PI4K2A: variants seen among roughly 807,000 people sequenced by gnomAD.
PI4K2A encodes phosphatidylinositol 4-kinase type 2 alpha.
Under a neutral mutation model 55.0 loss-of-function variants are expected in PI4K2A, and 20 were observed. The observed-to-expected ratio is 0.36, with a 90% confidence interval of 0.26 to 0.53. The LOEUF (loss-of-function observed/expected upper bound fraction) is 0.53. Among genes scored for constraint, PI4K2A ranks in the 20% least tolerant of loss-of-function variants. The pLI, the probability that PI4K2A is intolerant of heterozygous loss-of-function variation, is 0.91. For synonymous variants in PI4K2A, 235 were observed against 258.5 expected, an observed-to-expected ratio of 0.91 and a Z score of 0.87; for missense variants, 463 against 637.1, an observed-to-expected ratio of 0.73 and a Z score of 2.94.
chr10:97,665,079 T>G, intron 6 of PI4K2A, 95 bp downstream of exon 6: 2 of 729,904 alleles, frequency 2.7e-6, no homozygotes, highest in Non-Finnish European at 4.6e-6. Context: ...CATAGGATTA[T>G]TCTAAAAATT....
Position 97,663,986 on chromosome 10 carries a change from T to C in PI4K2A, c.985-899T>C, listed in dbSNP as rs1203127130. On this transcript the variant is annotated intron_variant, in intron 5 of 8. Transcript: ENST00000370631. ...CTGGGACTACAGGCGCAAAAGTTGT[T>C]TAATGTTTTGTAGAGATGAGGTCTT... Among the ~76,000 whole-genome samples, 6 of 152,236 alleles carry C rather than the reference T, an allele frequency of 3.9e-5. No homozygotes were observed. The South Asian group carries it at 8.3e-4, about 21-fold the overall frequency.
chr10:97,655,963 C>T (rs186214277), intron 2 of PI4K2A, among the ~76,000 whole-genome samples: 29 of 152,254 alleles, frequency 1.9e-4, no homozygotes, highest in East Asian at 9.7e-4. Context: ...ACAAGGTATC[C>T]GAGGTTCTTC....
intron 1 of PI4K2A, among the ~76,000 whole-genome samples, chr10:97,642,806 T>TCTTCCTTCCTTCCTTCCTTC (rs1183100302): frequency 9.5e-6 from 1 of 105,394 alleles, no homozygotes; most frequent in East Asian, 2.8e-4. Flanking sequence ...GCTTTCTCTT[T>TCTTCCTTCCTTCCTTCCTTC]CTTCCTTCCT....
chr10:97,660,808 G>T (rs1465233716), intron 4 of PI4K2A, among the ~76,000 whole-genome samples: 4 of 151,522 alleles, frequency 2.6e-5, no homozygotes, highest in African/African-American at 4.9e-5. Context: ...TTTTTAGCTG[G>T]TTAGTAGGAA....
rs566668127 is a variant in PI4K2A, at chr10:97,660,163, G to A, written c.923-2744G>A. ...ACTACAGGCGCCTGCTACCACGCCC[G>A]GCTAATTTTTTGTATTTTTAGTAGA... On this transcript the variant is annotated intron_variant, in intron 4 of 8. Transcript: ENST00000370631. Among the ~76,000 whole-genome samples the A allele has an allele frequency of 2.4e-3, 355 of 150,808 alleles. 4 individuals are homozygous for A. The highest frequency in any genetic ancestry group is 8.1e-3 in the African/African-American group (333 of 41,064).
At chr10:97,676,334 G>C (rs1051093730) in exon 9 of PI4K2A, 1 of 152,196 alleles carries the variant, frequency 6.6e-6, no homozygotes, top group African/African-American at 2.4e-5. Context: ...CTTTGTTGCA[G>C]AAATGTCAAT....
At chr10:97,666,604 A>G (rs767944896) in intron 7 of PI4K2A, 33 bp downstream of exon 7, 2 of 1,559,734 alleles carry the variant, frequency 1.3e-6, no homozygotes, top group East Asian at 4.5e-5. Flanking sequence ...CTATTATCAT[A>G]TGGGAGAAGG....
chr10:97,642,990 C>G (rs990263517), intron 1 of PI4K2A, among the ~76,000 whole-genome samples: 2 of 146,884 alleles, frequency 1.4e-5, no homozygotes, highest in African/African-American at 5.1e-5. Context: ...TTCTCTCTTT[C>G]TCGTCTTTCT....
intron 4 of PI4K2A, 58 bp downstream of exon 4, chr10:97,657,032 G>T: frequency 6.3e-7 from 1 of 1,576,056 alleles, no homozygotes; most frequent in Non-Finnish European, 8.7e-7. Context: ...GCATGGGGAG[G>T]CCTGGAGGCT....
chr10:97,640,679 T>G, upstream of PI4K2A: 2 of 1,208,042 alleles, frequency 1.7e-6, no homozygotes, highest in Non-Finnish European at 2.2e-6. Flanking sequence ...ATGTCACGGA[T>G]TGGTCGCGGC....
At chr10:97,653,577 C>T (rs1417468474) in intron 2 of PI4K2A, among the ~76,000 whole-genome samples, 3 of 152,216 alleles carry the variant, frequency 2.0e-5, no homozygotes, top group African/African-American at 7.2e-5. Context: ...AGAGAACCTT[C>T]ACGAGGCCTG....
Position 97,643,111 on chromosome 10 carries a change from C to T in PI4K2A, c.435+1934C>T, listed in dbSNP as rs140754083. ...GCTCAAGGTCCTCCCACTCAGCTTC[C>T]GAGTAGCTGGGACTACAGGCACGCA... On this transcript the variant is annotated intron_variant, in intron 1 of 8. Coordinates refer to ENST00000370631, the Ensembl canonical transcript of PI4K2A. Among the ~76,000 whole-genome samples the T allele has an allele frequency of 6.3e-3, 948 of 151,344 alleles. 12 individuals are homozygous for T. The highest frequency in any genetic ancestry group is 0.018 in the African/African-American group (731 of 41,118).
chr10:97,675,150 C>A (rs746670053), exon 9 of PI4K2A: 1 of 152,576 alleles, frequency 6.6e-6, no homozygotes, highest in Non-Finnish European at 1.5e-5. Flanking sequence ...TGGCACCTTG[C>A]GATTGGTCAG....
chr10:97,650,179 A>G (rs1285907287), intron 1 of PI4K2A, among the ~76,000 whole-genome samples: 1 of 151,560 alleles, frequency 6.6e-6, no homozygotes, highest in Non-Finnish European at 1.5e-5. Flanking sequence ...CGATATGTGC[A>G]TTAGGATATT....
At chr10:97,651,212 G>A in intron 2 of PI4K2A, 71 bp downstream of exon 2, 3 of 1,207,248 alleles carry the variant, frequency 2.5e-6, no homozygotes, top group Non-Finnish European at 3.7e-6. Context: ...CCTGCTACAT[G>A]TTAGTGGGAC....
At chr10:97,649,362 TC>T (rs1399781823) in intron 1 of PI4K2A, among the ~76,000 whole-genome samples, 1 of 152,188 alleles carries the variant, frequency 6.6e-6, no homozygotes. Flanking sequence ...GGCCATAGTT[TC>T]TAGGCATCCC....
At chr10:97,642,824 TTCC>T (rs879702865) in intron 1 of PI4K2A, among the ~76,000 whole-genome samples, 7,419 of 17,166 alleles carry the variant, frequency 0.43, 1,027 homozygotes, top group East Asian at 0.52. Context: ...CCTTCCTTCC[TTCC>T]TTCCTTCCTT....
Position 97,640,810 on chromosome 10 carries a change from G to A in PI4K2A, c.68G>A (p.Gly23Asp). The change falls in exon 1 of 9, where the codon GGC becomes GAC. Residue 23 changes from glycine to aspartate, a missense_variant. By Grantham distance (94) the Gly-to-Asp change is moderately conservative. Around this residue, in one of 2 missense-constraint regions of PI4K2A, gnomAD observed 186 missense variants for 204.5 expected, o/e 0.91. Transcript: ENST00000370631. ...CCCCCGGACTACACCTTCCCGTCGG[G>A]CTCGGGCGCTCACTTTCCGCAGGTG... The A allele has an allele frequency of 6.8e-7, 1 of 1,470,486 alleles. No homozygotes were observed. The highest frequency in any genetic ancestry group is 9.0e-7 in the Non-Finnish European group (1 of 1,107,482). The allele number at this position is 1,470,486 out of a possible 1,614,324, so 91.1% of individuals were successfully genotyped here.
chr10:97,674,024 T>G (rs2041648891), exon 9 of PI4K2A: 1 of 391,004 alleles, frequency 2.6e-6, no homozygotes, highest in Non-Finnish European at 4.6e-6. Context: ...GGTAGCAGGC[T>G]GGGACAGTCC....
Sources: gnomAD v4.1 joint callset for allele counts (sites outside exome capture counted in the v4.1 genomes callset) on GRCh38, gnomAD v4.1.1 for gene constraint, gnomAD v4.1.1 regional missense constraint, MANE v1.5 for transcripts, NCBI Gene and HGNC (gene_info 2026-07-23, HGNC 2026-07-21) for gene names.